The following KLC1 variants were observed in gnomAD, a reference collection of about 807,000 sequenced individuals.
The protein encoded by KLC1 is kinesin 2 60/70kDa.
KLC1 carries 30 observed loss-of-function variants against 84.2 expected under a neutral mutation model. The ratio of observed to expected loss-of-function variants is 0.36; its 90% CI spans 0.27 to 0.48. The LOEUF is 0.48. Among genes scored for constraint, KLC1 ranks in the 20% least tolerant of loss-of-function variants. KLC1 has a pLI of 0.99. For missense variants in KLC1, 499 were observed against 805.4 expected (o/e 0.62, Z 4.60); for synonymous variants, 289 against 293.3 (o/e 0.99, Z 0.15).
At chr14:103,690,853 T>G (rs1297953431) in intron 14 of KLC1, among the ~76,000 whole-genome samples, 1 of 152,248 alleles carries the variant, frequency 6.6e-6, no homozygotes, top group Non-Finnish European at 1.5e-5. Flanking sequence ...AGTAAATATA[T>G]GTATACATTC....
At chr14:103,666,725 A>G (rs1013396645) in intron 5 of KLC1, among the ~76,000 whole-genome samples, 1 of 148,758 alleles carries the variant, frequency 6.7e-6, no homozygotes, top group African/African-American at 2.5e-5. Flanking sequence ...CGGCCTCCCA[A>G]AGTGCTGGGA....
intron 11 of KLC1, among the ~76,000 whole-genome samples, chr14:103,676,726 G>T (rs763661620): frequency 1.2e-4 from 19 of 152,188 alleles, no homozygotes; most frequent in Admixed American, 2.6e-4. Flanking sequence ...AATGCCTATT[G>T]TAAGTAAGTG....
intron 13 of KLC1, among the ~76,000 whole-genome samples, chr14:103,681,097 C>T (rs1001991551): frequency 7.2e-5 from 11 of 152,180 alleles, no homozygotes; most frequent in African/African-American, 2.4e-4. Context: ...CCTCCTTCCA[C>T]GCTTCCTTTC....
chr14:103,691,013 T>A (rs1485917944), intron 14 of KLC1, among the ~76,000 whole-genome samples: 2 of 152,208 alleles, frequency 1.3e-5, no homozygotes, highest in Non-Finnish European at 2.9e-5. Context: ...AGTATATTTA[T>A]GCATCATCTT....
intron 9 of KLC1, among the ~76,000 whole-genome samples, chr14:103,673,863 C>G (rs2080640007): frequency 6.6e-5 from 10 of 151,778 alleles, no homozygotes; most frequent in Admixed American, 6.6e-4. Context: ...GCGGATCTTG[C>G]AGTGAGCCGA....
At chr14:103,654,475 GTTAA>G in intron 1 of KLC1, 85 bp from the exon 2 acceptor site, 1 of 1,020,334 alleles carries the variant, frequency 9.8e-7, no homozygotes, top group South Asian at 1.8e-5. Context: ...CCTATAAAAT[GTTAA>G]TTAAAAAATT....
chr14:103,679,820 C>T (rs1346587510), intron 13 of KLC1: 3 of 374,096 alleles, frequency 8.0e-6, no homozygotes, highest in Admixed American at 8.7e-5. Flanking sequence ...TGATCCCTGT[C>T]TGGTTTCATT....
Position 103,681,747 on chromosome 14 carries a change from G to A in KLC1, c.1650+2202G>A, listed in dbSNP as rs181171853. On this transcript the variant is annotated intron_variant, in intron 13 of 16. Transcript: ENST00000334553. ...GCTGGGATTACAGGCATAAACCACC[G>A]ACTTTTCTTATTTTTTAAATGGTAG... is the stretch of plus-strand genomic sequence containing the variant. 6.6e-3 allele frequency among the ~76,000 whole-genome samples: 997 copies of A among 152,196 alleles called. 3 individuals are homozygous for A. Among genetic ancestry groups the A allele is most frequent in the Non-Finnish European group, 8.5e-3 (577 of 68,016 alleles).
intron 13 of KLC1, chr14:103,685,768 G>A: frequency 7.9e-7 from 1 of 1,271,314 alleles, no homozygotes; most frequent in Non-Finnish European, 1.0e-6. Flanking sequence ...GCACCTCTCT[G>A]TGAACTGGCC....
chr14:103,651,528 T>C (rs1303379566), intron 1 of KLC1, among the ~76,000 whole-genome samples: 1 of 152,236 alleles, frequency 6.6e-6, no homozygotes, highest in East Asian at 1.9e-4. Context: ...TTGGTTATAA[T>C]GGCTTAGCCT....
chr14:103,644,776 C>A (rs2077772559), intron 1 of KLC1, among the ~76,000 whole-genome samples: 1 of 152,076 alleles, frequency 6.6e-6, no homozygotes. Flanking sequence ...CTCTTGTCAC[C>A]AAAATATTTT....
intron 1 of KLC1, among the ~76,000 whole-genome samples, chr14:103,635,781 T>G (rs1595216520): frequency 6.6e-6 from 1 of 150,862 alleles, no homozygotes; most frequent in Non-Finnish European, 1.5e-5. Flanking sequence ...GTAAAATAGG[T>G]ACTGTTACTG....
chr14:103,683,715 T>G (rs1170609920), intron 13 of KLC1: 2 of 152,242 alleles, frequency 1.3e-5, no homozygotes, highest in Non-Finnish European at 2.9e-5. Context: ...TGTCTGCAGG[T>G]CGCCAGCTCT....
At chr14:103,690,025 C>G (rs1332584609) in intron 14 of KLC1, among the ~76,000 whole-genome samples, 1 of 152,000 alleles carries the variant, frequency 6.6e-6, no homozygotes, top group Non-Finnish European at 1.5e-5. Flanking sequence ...ACTAAAAATA[C>G]AAAAATTAGC....
rs1226221800 is a variant in KLC1 at position 103,694,132 on chromosome 14, C to T, written c.1848+1707C>T. 2 of 985,298 alleles carry T rather than the reference C, an allele frequency of 2.0e-6. No individual in the cohort carries two copies. Among genetic ancestry groups the T allele is most frequent in the African/African-American group, 1.7e-5 (1 of 57,372 alleles). The allele number at this position is 985,298 out of a possible 1,614,324, so 61.0% of individuals were successfully genotyped here. A position where few individuals can be genotyped will look rare whatever the true frequency, so the allele number is the denominator to read the frequency against. ...GTGAATTCCTTCCCAGCTGGAGCATCTTCCGGGTCTCTCTTTCCAAGGTCC... is the reference window on the plus strand; with the variant it reads ...GTGAATTCCTTCCCAGCTGGAGCATTTTCCGGGTCTCTCTTTCCAAGGTCC... On this transcript the variant is annotated intron_variant, in intron 15 of 16. Transcript: ENST00000334553. The surrounding 1 kb of genome is among the most constrained non-coding windows in gnomAD (Gnocchi z 4.5).
intron 12 of KLC1, among the ~76,000 whole-genome samples, chr14:103,678,257 C>G (rs1055583758): frequency 6.7e-6 from 1 of 148,590 alleles, no homozygotes; most frequent in East Asian, 2.0e-4. Flanking sequence ...AGCGAGACTC[C>G]GTCTCAAAAA....
intron 2 of KLC1, 126 bp downstream of exon 2, chr14:103,654,951 G>A (rs2078718211): frequency 9.1e-7 from 1 of 1,102,098 alleles, no homozygotes; most frequent in East Asian, 2.6e-5. Context: ...CAGGCCGAGT[G>A]CGGTGTGGCT....
Position 103,653,693 on chromosome 14 carries a change from A to G in KLC1, c.-1-871A>G, listed in dbSNP as rs74742709. 9.3e-4 allele frequency among the ~76,000 whole-genome samples: 142 copies of G among 152,348 alleles called. 2 individuals carry two copies. The East Asian group carries it at 0.02, about 21-fold the overall frequency. On this transcript the variant is annotated intron_variant, in intron 1 of 16. Coordinates refer to ENST00000334553, the MANE Select transcript of KLC1 (RefSeq NM_001394837.1). ...CTTAATGAATCGTGAGATTTTAGAC[A>G]GTGGCAGTGCTGTGAAGGAAATAAC...
chr14:103,653,758 G>A (rs762266852), intron 1 of KLC1, among the ~76,000 whole-genome samples: 1 of 152,150 alleles, frequency 6.6e-6, no homozygotes, highest in Non-Finnish European at 1.5e-5. Flanking sequence ...TCACTGTGCC[G>A]AAAAAGATCA....
Sources: allele counts gnomAD v4.1 joint callset (sites outside exome capture counted in the v4.1 genomes callset), GRCh38; gene constraint gnomAD v4.1.1; non-coding constraint Gnocchi (gnomAD v3.1); transcripts MANE v1.5; gene names NCBI Gene and HGNC (gene_info 2026-07-23, HGNC 2026-07-21).